Variants in ASIC2 observed in about 807,000 individuals in gnomAD.
ASIC2 encodes acid sensing ion channel subunit 2, also known as acid-sensing ion channel 2.
ASIC2 carries 25 observed loss-of-function variants against 57.3 expected under a neutral mutation model. The ratio of observed to expected loss-of-function variants is 0.44; its 90% CI spans 0.32 to 0.61. The LOEUF is 0.61. ASIC2 is among the 20% of genes least tolerant of loss of function. The pLI, the probability that ASIC2 is intolerant of heterozygous loss-of-function variation, is 0.06. For synonymous variants in ASIC2, 319 were observed against 307.5 expected (o/e 1.04, Z -0.39); for missense variants, 641 against 738.1 (o/e 0.87, Z 1.52).
intron 1 of ASIC2, among the ~76,000 whole-genome samples, chr17:33,483,802 C>T (rs774677054): frequency 1.2e-4 from 18 of 152,182 alleles, no homozygotes; most frequent in Non-Finnish European, 1.9e-4. Context: ...AAATTGTCCA[C>T]GTATTAGTCC....
intron 1 of ASIC2, among the ~76,000 whole-genome samples, chr17:34,025,965 C>T (rs1490134584): frequency 6.6e-6 from 1 of 152,216 alleles, no homozygotes; most frequent in African/African-American, 2.4e-5. Flanking sequence ...AGAAGCTTCA[C>T]ATCTCAGGCT....
intron 1 of ASIC2, among the ~76,000 whole-genome samples, chr17:33,476,547 GTGT>G (rs376978903): frequency 0.28 from 24,715 of 89,450 alleles, 2,305 homozygotes; most frequent in Middle Eastern, 0.35. Flanking sequence ...GTACAGGGGT[GTGT>G]GTGTGTGTGT....
chr17:33,743,976 C>T (rs1910185974), intron 1 of ASIC2, among the ~76,000 whole-genome samples: 2 of 152,188 alleles, frequency 1.3e-5, no homozygotes, highest in South Asian at 4.1e-4. Context: ...ACAAGCTAAT[C>T]AGAGGCTAGC....
intron 1 of ASIC2, among the ~76,000 whole-genome samples, chr17:33,781,114 G>T (rs185593990): frequency 6.6e-6 from 1 of 152,248 alleles, no homozygotes; most frequent in African/African-American, 2.4e-5. Flanking sequence ...GAGGGGGATG[G>T]GGGTGGTTCC....
chr17:33,041,187 C>A (rs2091928624), intron 3 of ASIC2, among the ~76,000 whole-genome samples: 1 of 152,156 alleles, frequency 6.6e-6, no homozygotes, highest in Non-Finnish European at 1.5e-5. Flanking sequence ...AGTTACCTAA[C>A]TACTCTGGGC....
chr17:33,605,663 G>A (rs1266225985), intron 1 of ASIC2, among the ~76,000 whole-genome samples: 3 of 152,142 alleles, frequency 2.0e-5, no homozygotes, highest in Admixed American at 6.6e-5. Flanking sequence ...CTATTGCTCT[G>A]CATGAAGAAC....
At chr17:33,782,225 G>T (rs2142129468) in intron 1 of ASIC2, among the ~76,000 whole-genome samples, 1 of 152,214 alleles carries the variant, frequency 6.6e-6, no homozygotes, top group Admixed American at 6.5e-5. Flanking sequence ...CAAAAACTCT[G>T]CCTAGCCCTC....
chr17:33,917,576 C>T (rs1449438674), intron 1 of ASIC2, among the ~76,000 whole-genome samples: 1 of 152,110 alleles, frequency 6.6e-6, no homozygotes, highest in Non-Finnish European at 1.5e-5. Flanking sequence ...TGAATAGTTC[C>T]TGAATGGTCT....
Position 33,129,819 on chromosome 17 carries a change from G to A in ASIC2, c.709-17752C>T, listed in dbSNP as rs543198890. On this transcript the variant is annotated intron_variant, in intron 1 of 9. Transcript: ENST00000225823. ...AGGGGATTGGGGACCTGAGCTTTGGGTTAGATGGAGGTTGTTAGGTGGAGG... is the reference window on the plus strand; with the variant it reads ...AGGGGATTGGGGACCTGAGCTTTGGATTAGATGGAGGTTGTTAGGTGGAGG... Among the ~76,000 whole-genome samples the A allele has an allele frequency of 9.8e-5, 15 of 152,340 alleles. No individual in the cohort carries two copies. In the South Asian group the frequency reaches 3.1e-3, roughly 32 times the overall value.
chr17:33,684,208 A>G (rs1451949874), intron 1 of ASIC2, among the ~76,000 whole-genome samples: 2 of 152,196 alleles, frequency 1.3e-5, no homozygotes, highest in Admixed American at 1.3e-4. Flanking sequence ...GCATGTCCAA[A>G]AGCAAAATGC....
chr17:33,509,873 A>G (rs890846439), intron 1 of ASIC2, among the ~76,000 whole-genome samples: 1 of 152,224 alleles, frequency 6.6e-6, no homozygotes, highest in African/African-American at 2.4e-5. Flanking sequence ...CCTTGCCATT[A>G]CAATAGGGGA....
At chr17:33,042,781 G>A (rs2091934635) in intron 3 of ASIC2, among the ~76,000 whole-genome samples, 1 of 152,202 alleles carries the variant, frequency 6.6e-6, no homozygotes, top group Non-Finnish European at 1.5e-5. Flanking sequence ...GGAAGCAGAG[G>A]TAATTACTGA....
chr17:33,491,102 C>T (rs4583294), intron 1 of ASIC2, among the ~76,000 whole-genome samples: 52,239 of 152,002 alleles, frequency 0.34, 9,144 homozygotes, highest in East Asian at 0.49. Flanking sequence ...TTCCATTCCT[C>T]CTCTGCCAAC....
intron 1 of ASIC2, among the ~76,000 whole-genome samples, chr17:33,540,468 A>C (rs1345521879): frequency 5.3e-5 from 8 of 149,710 alleles, no homozygotes; most frequent in Admixed American, 3.9e-4. Context: ...GGTGGCATAA[A>C]GATTGAGGGG....
intron 1 of ASIC2, among the ~76,000 whole-genome samples, chr17:33,269,682 C>G: frequency 3.1e-5 from 2 of 64,192 alleles, no homozygotes; most frequent in South Asian, 1.2e-3. Context: ...TTCCCTCCCT[C>G]CCTCCTGCCT....
chr17:33,175,614 G>A (rs554861006), intron 1 of ASIC2, among the ~76,000 whole-genome samples: 41 of 152,200 alleles, frequency 2.7e-4, no homozygotes, highest in African/African-American at 8.2e-4. Flanking sequence ...TTACAGCGAT[G>A]AACCTCTCTA....
At chr17:33,516,388 A>G (rs200553526) in intron 1 of ASIC2, among the ~76,000 whole-genome samples, 1 of 126,138 alleles carries the variant, frequency 7.9e-6, no homozygotes, top group South Asian at 2.5e-4. Flanking sequence ...GTGTGTTTGT[A>G]AGTGTGTTTG....
chr17:33,375,527 C>G (rs1039018694), intron 1 of ASIC2, among the ~76,000 whole-genome samples: 1 of 152,136 alleles, frequency 6.6e-6, no homozygotes, highest in Non-Finnish European at 1.5e-5. Context: ...TGAGCAGATA[C>G]GTGCCAGGGT....
chr17:33,567,995 T>G (rs760171478), intron 1 of ASIC2, among the ~76,000 whole-genome samples: 1 of 152,234 alleles, frequency 6.6e-6, no homozygotes, highest in Non-Finnish European at 1.5e-5. Context: ...ATGGATATCC[T>G]TCTTTTCATT....
Sources: allele counts gnomAD v4.1 joint callset (sites outside exome capture counted in the v4.1 genomes callset), GRCh38; gene constraint gnomAD v4.1.1; transcripts MANE v1.5; gene names NCBI Gene and HGNC (gene_info 2026-07-23, HGNC 2026-07-21).